CTNNBL1: variants seen among roughly 807,000 people sequenced by gnomAD.
CTNNBL1 encodes catenin beta like 1.
In CTNNBL1, 31 loss-of-function variants were observed where a neutral mutation model predicts 72.7. The ratio of observed to expected loss-of-function variants is 0.43; its 90% CI spans 0.32 to 0.58. The LOEUF is 0.58. Ranked by LOEUF, CTNNBL1 falls within the 20% of genes least tolerant of loss-of-function variation. The pLI, the probability that CTNNBL1 is intolerant of heterozygous loss-of-function variation, is 0.08. For synonymous variants in CTNNBL1, 240 were observed against 267.3 expected, an observed-to-expected ratio of 0.90 and a Z score of 1.00; for missense variants, 534 against 725.1, an observed-to-expected ratio of 0.74 and a Z score of 3.03.
At chr20:37,832,918 G>A (rs2072223647) in intron 11 of CTNNBL1, among the ~76,000 whole-genome samples, 1 of 152,082 alleles carries the variant, frequency 6.6e-6, no homozygotes, top group African/African-American at 2.4e-5. Context: ...AAAGACCTCT[G>A]ATTTGGGTGT....
intron 11 of CTNNBL1, among the ~76,000 whole-genome samples, chr20:37,819,459 C>T (rs537433534): frequency 5.6e-4 from 86 of 152,278 alleles, no homozygotes; most frequent in African/African-American, 2.0e-3. Flanking sequence ...TTTGTCTGCT[C>T]ATAACTGTCA....
chr20:37,737,582 C>T (rs1461090067), intron 3 of CTNNBL1, 98 bp downstream of exon 3: 3 of 714,170 alleles, frequency 4.2e-6, no homozygotes, highest in Non-Finnish European at 4.6e-6. Flanking sequence ...TGATTTGGGC[C>T]AGGAATCCCA....
chr20:37,752,556 CTTTTTT>C (rs551563749), intron 4 of CTNNBL1, among the ~76,000 whole-genome samples: 1 of 143,726 alleles, frequency 7.0e-6, no homozygotes, highest in Non-Finnish European at 1.5e-5. Context: ...TCTTATTTCT[CTTTTTT>C]TTTTTTAATA....
chr20:37,768,112 A>G, intron 7 of CTNNBL1, 68 bp downstream of exon 7: 1 of 1,301,792 alleles, frequency 7.7e-7, no homozygotes, highest in South Asian at 1.2e-5. Context: ...ATGCTGGGTT[A>G]TTGGCATAGA....
chr20:37,797,815 C>G (rs2073791504), intron 10 of CTNNBL1, among the ~76,000 whole-genome samples: 1 of 152,202 alleles, frequency 6.6e-6, no homozygotes, highest in Non-Finnish European at 1.5e-5. Flanking sequence ...CCTCTTCTTA[C>G]TCTTTATATT....
chr20:37,748,170 C>A (rs1400149984), intron 4 of CTNNBL1, among the ~76,000 whole-genome samples: 1 of 152,160 alleles, frequency 6.6e-6, no homozygotes, highest in Non-Finnish European at 1.5e-5. Flanking sequence ...ATGTTATTTT[C>A]ATCTTTCTGG....
At chr20:37,864,788 T>G (rs2072523192) in intron 15 of CTNNBL1, among the ~76,000 whole-genome samples, 1 of 151,596 alleles carries the variant, frequency 6.6e-6, no homozygotes, top group South Asian at 2.1e-4. Context: ...GAGGAGTCAG[T>G]TACTGCTGAC....
At chr20:37,705,798 G>T (rs2072880279) in intron 1 of CTNNBL1, among the ~76,000 whole-genome samples, 1 of 152,100 alleles carries the variant, frequency 6.6e-6, no homozygotes, top group African/African-American at 2.4e-5. Context: ...GTTGGGTTTG[G>T]TCTGAGTCTT....
At chr20:37,739,685 A>G (rs1438257686) in intron 3 of CTNNBL1, among the ~76,000 whole-genome samples, 1 of 152,150 alleles carries the variant, frequency 6.6e-6, no homozygotes, top group Non-Finnish European at 1.5e-5. Context: ...AGTCTTTAAC[A>G]TCTTTGCCAT....
intron 13 of CTNNBL1, among the ~76,000 whole-genome samples, chr20:37,843,182 C>G: frequency 6.6e-6 from 1 of 152,220 alleles, no homozygotes; most frequent in East Asian, 1.9e-4. Flanking sequence ...AGACACTTCT[C>G]AAGTCTTCAG....
chr20:37,724,379 A>G (rs368179125), intron 1 of CTNNBL1, among the ~76,000 whole-genome samples: 10 of 152,146 alleles, frequency 6.6e-5, no homozygotes, highest in East Asian at 5.8e-4. Context: ...TTTTTTTTTA[A>G]ATGTGAGCGA....
intron 2 of CTNNBL1, among the ~76,000 whole-genome samples, chr20:37,735,830 T>A (rs1346772573): frequency 6.6e-6 from 1 of 152,256 alleles, no homozygotes; most frequent in African/African-American, 2.4e-5. Flanking sequence ...TCCAAAAGGA[T>A]CTATTTCAGG....
chr20:37,869,492 C>T (rs1022339582), intron 15 of CTNNBL1, among the ~76,000 whole-genome samples: 8 of 152,264 alleles, frequency 5.3e-5, no homozygotes, highest in Non-Finnish European at 8.8e-5. Flanking sequence ...CAGCACGACA[C>T]TCTGCTGGGG....
intron 1 of CTNNBL1, among the ~76,000 whole-genome samples, chr20:37,711,181 C>T (rs150238467): frequency 9.1e-4 from 139 of 152,338 alleles, no homozygotes; most frequent in Non-Finnish European, 1.6e-3. Flanking sequence ...GAGAAGCTTA[C>T]AGACTTTCCA....
At chr20:37,854,350 G>T (rs564329965) in intron 13 of CTNNBL1, among the ~76,000 whole-genome samples, 1 of 152,074 alleles carries the variant, frequency 6.6e-6, no homozygotes, top group South Asian at 2.1e-4. Context: ...CCATTCTTGA[G>T]CCTCCCTATC....
At chr20:37,855,984 C>T (rs970646045) in intron 13 of CTNNBL1, among the ~76,000 whole-genome samples, 2 of 152,098 alleles carry the variant, frequency 1.3e-5, no homozygotes, top group Non-Finnish European at 2.9e-5. Flanking sequence ...TGCCTGTAAT[C>T]CCAGCACTTT....
At chr20:37,808,428 G>A (rs1026663160) in intron 11 of CTNNBL1, among the ~76,000 whole-genome samples, 1 of 152,166 alleles carries the variant, frequency 6.6e-6, no homozygotes, top group Admixed American at 6.5e-5. Flanking sequence ...CTTCGTGCTG[G>A]GCTGTAATGA....
At chr20:37,863,335 A>G (rs2072508095) in intron 15 of CTNNBL1, among the ~76,000 whole-genome samples, 6 of 152,214 alleles carry the variant, frequency 3.9e-5, no homozygotes, top group Admixed American at 3.9e-4. Context: ...GTCCAGTCCT[A>G]GAGATACTAA....
At chr20:37,861,853 C>T (rs1189449167) in intron 15 of CTNNBL1, among the ~76,000 whole-genome samples, 1 of 152,130 alleles carries the variant, frequency 6.6e-6, no homozygotes, top group Non-Finnish European at 1.5e-5. Context: ...AGATCATTGT[C>T]ATTATTATTT....
Sources: gnomAD v4.1 joint callset for allele counts (sites outside exome capture counted in the v4.1 genomes callset) on GRCh38, gnomAD v4.1.1 for gene constraint, MANE v1.5 for transcripts, NCBI Gene and HGNC (gene_info 2026-07-23, HGNC 2026-07-21) for gene names.